The following USP42 variants were observed in gnomAD, a reference collection of about 807,000 sequenced individuals.
USP42 encodes the protein ubiquitin carboxyl-terminal hydrolase 42.
Under a neutral mutation model 113.0 loss-of-function variants are expected in USP42, and 23 were observed. The ratio of observed to expected loss-of-function variants is 0.20; its 90% CI spans 0.15 to 0.29. USP42 has a LOEUF of 0.29. Ranked by LOEUF, USP42 falls within the 10% of genes least tolerant of loss-of-function variation. USP42 has a pLI of 1.00. For missense variants in USP42, 2,174 were observed against 1,779.8 expected (o/e 1.22, Z -3.99); for synonymous variants, 933 against 699.0 (o/e 1.33, Z -5.28).
At chr7:6,128,517 G>A (rs1472201906) in intron 3 of USP42, among the ~76,000 whole-genome samples, 1 of 152,088 alleles carries the variant, frequency 6.6e-6, no homozygotes, top group Non-Finnish European at 1.5e-5. Flanking sequence ...CATTACATTT[G>A]AAGTGAGTTT....
At chr7:6,138,694 G>A (rs970922290) in intron 4 of USP42, among the ~76,000 whole-genome samples, 4 of 152,158 alleles carry the variant, frequency 2.6e-5, no homozygotes, top group Admixed American at 6.5e-5. Context: ...CCTGAGCTCC[G>A]CCTCCTGTCA....
At chr7:6,100,682 CTTTT>C (rs1228529787), upstream of USP42, among the ~76,000 whole-genome samples, 2 of 130,152 alleles carry the variant, frequency 1.5e-5, no homozygotes, top group Non-Finnish European at 1.6e-5. Context: ...TATCCACTGT[CTTTT>C]TTTTTTTTTT....
chr7:6,098,162 C>T, the USP42 span, among the ~76,000 whole-genome samples: 1 of 149,758 alleles, frequency 6.7e-6, no homozygotes, highest in Non-Finnish European at 1.5e-5. Flanking sequence ...CTTGGCCTCC[C>T]AAAGTGCTGG....
At chr7:6,144,744 C>G (rs570678346) in intron 9 of USP42, among the ~76,000 whole-genome samples, 2 of 151,822 alleles carry the variant, frequency 1.3e-5, no homozygotes, top group Non-Finnish European at 2.9e-5. Flanking sequence ...GTGGCAGGCA[C>G]TTGTAATCCT....
the USP42 span, among the ~76,000 whole-genome samples, chr7:6,082,885 A>T: frequency 6.7e-6 from 1 of 149,066 alleles, no homozygotes; most frequent in Middle Eastern, 3.2e-3. Flanking sequence ...TGCTGGGATT[A>T]CAGGTGTGAG....
intron 3 of USP42, among the ~76,000 whole-genome samples, chr7:6,132,418 T>TG (rs143551253): frequency 0.094 from 14,150 of 151,028 alleles, 937 homozygotes; most frequent in East Asian, 0.34. Flanking sequence ...AGTGCAGTGT[T>TG]GCGATCTCAG....
At chr7:6,082,213 C>T in the USP42 span, among the ~76,000 whole-genome samples, 1 of 151,584 alleles carries the variant, frequency 6.6e-6, no homozygotes, top group Non-Finnish European at 1.5e-5. Flanking sequence ...ACTGCAAGCT[C>T]GGCCTCCCGG....
chr7:6,142,788 G>T, intron 7 of USP42, 144 bp from the exon 8 acceptor site: 2 of 678,758 alleles, frequency 2.9e-6, no homozygotes, highest in Non-Finnish European at 5.2e-6. Context: ...GGAGGCTGAG[G>T]TGAGAGGATT....
the USP42 span, among the ~76,000 whole-genome samples, chr7:6,095,092 T>C: frequency 1.3e-5 from 2 of 151,278 alleles, no homozygotes; most frequent in Non-Finnish European, 2.9e-5. Context: ...CCAGCCCCAC[T>C]TGGCTTTCTG....
intron 1 of USP42, among the ~76,000 whole-genome samples, chr7:6,108,806 G>A (rs528896370): frequency 1.3e-5 from 2 of 152,274 alleles, no homozygotes; most frequent in Non-Finnish European, 2.9e-5. Context: ...ATTTTTTAAG[G>A]CCATTTCTAC....
In USP42 at chr7:6,153,884, C is replaced by T. The variant is rs758662106; in HGVS notation, c.2330C>T (p.Pro777Leu). 5.2e-5 allele frequency: 82 copies of T among 1,570,752 alleles called. No individual in the cohort carries two copies. Among genetic ancestry groups the T allele is most frequent in the Non-Finnish European group, 1.6e-5 (19 of 1,160,250 alleles). Reference protein sequence around the residue: ...AGLSSTKKAPPPRDPGTPATK... With the variant: ...AGLSSTKKAPLPRDPGTPATK... ...CTCAGCAGCACCAAGAAGGCTCCGCCGCCCCGCGATCCCGGCACCCCCGCT... is the reference window on the plus strand; with the variant it reads ...CTCAGCAGCACCAAGAAGGCTCCGCTGCCCCGCGATCCCGGCACCCCCGCT... The change falls in exon 15 of 18, where the codon CCG becomes CTG. Residue 777 changes from proline to leucine, a missense_variant. By Grantham distance (98) the Pro-to-Leu change is moderately conservative (BLOSUM62 -3). Coordinates refer to ENST00000306177, the MANE Select transcript of USP42 (RefSeq NM_032172.3).
the USP42 span, among the ~76,000 whole-genome samples, chr7:6,093,523 T>C: frequency 6.6e-6 from 1 of 150,926 alleles, no homozygotes; most frequent in Admixed American, 6.6e-5. Flanking sequence ...TCTCAAGCGA[T>C]TCTCCCGCCT....
At position 6,157,102 on chromosome 7, in the gene USP42, T is replaced by C; in HGVS notation, c.3943+47T>C. 2.0e-6 allele frequency: 3 copies of C among 1,499,452 alleles called. No individual in the cohort carries two copies. The highest frequency in any genetic ancestry group is 1.8e-6 in the Non-Finnish European group (2 of 1,129,604). 92.9% of individuals were successfully genotyped at this position (1,499,452 alleles called of 1,614,324 possible). Reference sequence around the variant, plus strand: ...TAGGAAGATAGAAACTATTTCTTAATACATTTTCTTTGCAAAGGTGATTAA... The same window carrying C: ...TAGGAAGATAGAAACTATTTCTTAACACATTTTCTTTGCAAAGGTGATTAA... On this transcript the variant is annotated intron_variant, in intron 16 of 17. Coordinates refer to ENST00000306177, the MANE Select transcript of USP42 (RefSeq NM_032172.3). This position sits in a 1 kb window ranked among gnomAD's most constrained non-coding sequence, Gnocchi z 4.1.
chr7:6,139,705 G>GTAT lies in USP42; in HGVS notation c.657-423_657-422insTAT. 1 of 243,310 alleles carries GTAT rather than the reference G, an allele frequency of 4.1e-6. No homozygotes were observed. The highest frequency in any genetic ancestry group is 5.2e-5 in the Admixed American group (1 of 19,052). The allele number at this position is 243,310 out of a possible 1,614,324, so 15.1% of individuals were successfully genotyped here. ...TGAGACACCTGGTAGATCTCCCTCT[G>GTAT]CATTCTCCCTGCCCTGGCACCGCCC... On this transcript the variant is annotated intron_variant, in intron 5 of 17. Transcript: ENST00000306177. This position sits in a 1 kb window ranked among gnomAD's most constrained non-coding sequence, Gnocchi z 4.5.
intron 1 of USP42, among the ~76,000 whole-genome samples, chr7:6,105,611 C>T (rs1779235725): frequency 6.6e-6 from 1 of 152,162 alleles, no homozygotes; most frequent in Non-Finnish European, 1.5e-5. Flanking sequence ...AGCCACCTGG[C>T]TGCTCCGTGG....
At chr7:6,147,592 G>A (rs1781787667) in intron 11 of USP42, 147 bp from the exon 12 acceptor site, 3 of 701,558 alleles carry the variant, frequency 4.3e-6, no homozygotes, top group Non-Finnish European at 6.1e-6. Context: ...AGGAGGGGAT[G>A]TGTATAGCTC....
the USP42 span, among the ~76,000 whole-genome samples, chr7:6,090,083 TGAGATCGG>T: frequency 6.8e-6 from 1 of 147,642 alleles, no homozygotes; most frequent in Non-Finnish European, 1.5e-5. Flanking sequence ...GCAGATCACC[TGAGATCGG>T]GAGTTCGAGA....
upstream of USP42, among the ~76,000 whole-genome samples, chr7:6,103,750 A>C (rs1326805626): frequency 4.0e-5 from 6 of 149,730 alleles, no homozygotes; most frequent in Admixed American, 2.6e-4. Context: ...AAAAAAAAAA[A>C]AAAAACAAAA....
intron 3 of USP42, among the ~76,000 whole-genome samples, chr7:6,124,578 T>G (rs1345108650): frequency 6.6e-6 from 1 of 152,214 alleles, no homozygotes. Flanking sequence ...AGTGGATTTC[T>G]TATAAATAGC....
Sources: allele counts gnomAD v4.1 joint callset (sites outside exome capture counted in the v4.1 genomes callset), GRCh38; gene constraint gnomAD v4.1.1; non-coding constraint Gnocchi (gnomAD v3.1); transcripts MANE v1.5; gene names NCBI Gene and HGNC (gene_info 2026-07-23, HGNC 2026-07-21).